EFHC1: variants seen among roughly 807,000 people sequenced by gnomAD.
EFHC1 encodes EF-hand domain-containing protein 1.
In EFHC1, 53 loss-of-function variants were observed where a neutral mutation model predicts 69.9. The ratio of observed to expected loss-of-function variants is 0.76; its 90% CI spans 0.61 to 0.95. The LOEUF is 0.95. Ranked by LOEUF, EFHC1 falls within the 40% of genes least tolerant of loss-of-function variation. The pLI is 0.00. For synonymous variants in EFHC1, 256 were observed against 278.4 expected, an observed-to-expected ratio of 0.92 and a Z score of 0.80; for missense variants, 739 against 798.7, an observed-to-expected ratio of 0.93 and a Z score of 0.90.
intron 3 of EFHC1, among the ~76,000 whole-genome samples, chr6:52,449,171 C>T (rs899891852): frequency 6.6e-5 from 10 of 152,040 alleles, no homozygotes; most frequent in Non-Finnish European, 1.2e-4. Context: ...ATCATGAGGT[C>T]GGGAGATCGA....
chr6:52,469,782 T>G (rs1765394920), intron 7 of EFHC1, among the ~76,000 whole-genome samples: 1 of 152,256 alleles, frequency 6.6e-6, no homozygotes, highest in Admixed American at 6.5e-5. Context: ...TTGCTTAATA[T>G]TCAAACCATG....
rs1430759392 is a variant in EFHC1 at position 52,490,077 on chromosome 6, C to G, written c.1641-63C>G. The G allele has an allele frequency of 3.4e-6, 5 of 1,481,112 alleles. No homozygotes were observed. The African/African-American group carries it at 7.0e-5, about 21-fold the overall frequency. 91.7% of individuals were successfully genotyped at this position (1,481,112 alleles called of 1,614,324 possible). A position where few individuals can be genotyped will look rare whatever the true frequency, so the allele number is the denominator to read the frequency against. On this transcript the variant is annotated intron_variant, in intron 9 of 10. Coordinates refer to ENST00000371068, the MANE Select transcript of EFHC1 (RefSeq NM_018100.4). ...GATTTCATCAAGTAAGAACTTTGGT[C>G]ACCGAGATGAGACTGATCAAGAATA...
rs749785271 is a variant in EFHC1 at position 52,492,450 on chromosome 6, G to A, written c.*109G>A. 1 of 1,182,324 alleles carries A rather than the reference G, an allele frequency of 8.5e-7. No homozygotes were observed. The highest frequency in any genetic ancestry group is 1.3e-5 in the South Asian group (1 of 78,338). The allele number at this position is 1,182,324 out of a possible 1,614,324, so 73.2% of individuals were successfully genotyped here. On this transcript the variant is annotated 3_prime_UTR_variant, in exon 11 of 11. Coordinates refer to ENST00000371068, the MANE Select transcript of EFHC1 (RefSeq NM_018100.4). Reference sequence around the variant, plus strand: ...ACAGGGTTCCTGAAGTTTTATTTCTGTTTTGGTTCTTCTTTCACTCCTACT... The same window carrying A: ...ACAGGGTTCCTGAAGTTTTATTTCTATTTTGGTTCTTCTTTCACTCCTACT...
chr6:52,450,684 A>G (rs570083952), intron 3 of EFHC1, among the ~76,000 whole-genome samples: 1 of 151,956 alleles, frequency 6.6e-6, no homozygotes, highest in African/African-American at 2.4e-5. Context: ...CTTTATTTTG[A>G]ACCTTTGGGT....
rs1381438361 is a variant in EFHC1, at chr6:52,453,452, C to T, written c.723+615C>T. 6 of 1,287,056 alleles carry T rather than the reference C, an allele frequency of 4.7e-6. No homozygotes were observed. In the South Asian group the frequency reaches 7.4e-5, roughly 16 times the overall value. The allele number at this position is 1,287,056 out of a possible 1,614,324, so 79.7% of individuals were successfully genotyped here. ...AGAAAGAAAAGGAAGAGATCACCCT[C>T]AGTGCTTCTTTGCTGCTCCTTTTCT... On this transcript the variant is annotated intron_variant, in intron 4 of 10. Coordinates refer to ENST00000371068, the MANE Select transcript of EFHC1 (RefSeq NM_018100.4).
At chr6:52,455,761 A>T (rs1194572588) in intron 5 of EFHC1, among the ~76,000 whole-genome samples, 1 of 152,224 alleles carries the variant, frequency 6.6e-6, no homozygotes, top group Non-Finnish European at 1.5e-5. Flanking sequence ...GTCTGTACAT[A>T]TTGCTTCACT....
rs1160893348 is a variant in EFHC1, at chr6:52,454,074, A to C, written c.724-21A>C. ...TCCCTACTTTTAGGATTCTTGAGTC[A>C]CTACTTTGGATTCTTCAAAGGTCCT... On this transcript the variant is annotated intron_variant, in intron 4 of 10. Transcript: ENST00000371068. 4.3e-6 allele frequency: 7 copies of C among 1,612,292 alleles called. No individual in the cohort carries two copies. The African/African-American group carries it at 9.3e-5, about 22-fold the overall frequency.
At chr6:52,491,354 T>TA (rs1055390169) in intron 10 of EFHC1, among the ~76,000 whole-genome samples, 4 of 152,158 alleles carry the variant, frequency 2.6e-5, no homozygotes, top group African/African-American at 4.8e-5. Context: ...GCACATCTTA[T>TA]AAAAATAACC....
intron 2 of EFHC1, among the ~76,000 whole-genome samples, chr6:52,433,492 A>G (rs1764460389): frequency 6.6e-6 from 1 of 152,146 alleles, no homozygotes; most frequent in African/African-American, 2.4e-5. Flanking sequence ...CCAGGCTGGT[A>G]CTGGGGGTTG....
intron 5 of EFHC1, among the ~76,000 whole-genome samples, chr6:52,455,331 A>G (rs957398412): frequency 6.6e-6 from 1 of 151,802 alleles, no homozygotes; most frequent in Admixed American, 6.6e-5. Context: ...TCTTTTTACT[A>G]TATTTTTTGG....
Position 52,495,283 on chromosome 6 carries a change from C to G in EFHC1, c.*2942C>G. On this transcript the variant is annotated 3_prime_UTR_variant, in exon 11 of 11. Coordinates refer to ENST00000371068, the MANE Select transcript of EFHC1 (RefSeq NM_018100.4). Reference sequence around the variant, plus strand: ...CCCAAATCTTATGCTCTCCAAACTCCAGGGGACAGACACATGTCAAACCCT... The same window carrying G: ...CCCAAATCTTATGCTCTCCAAACTCGAGGGGACAGACACATGTCAAACCCT... The G allele has an allele frequency of 2.2e-6, 1 of 454,088 alleles. No homozygotes were observed. Among genetic ancestry groups the G allele is most frequent in the Non-Finnish European group, 4.4e-6 (1 of 226,778 alleles). The allele number at this position is 454,088 out of a possible 1,614,324, so 28.1% of individuals were successfully genotyped here.
Position 52,495,257 on chromosome 6 carries a change from C to T in EFHC1, c.*2916C>T, listed in dbSNP as rs1050501353. The T allele has an allele frequency of 6.6e-6, 3 of 453,948 alleles. No individual in the cohort carries two copies. Among genetic ancestry groups the T allele is most frequent in the Non-Finnish European group, 1.3e-5 (3 of 226,790 alleles). The allele number at this position is 453,948 out of a possible 1,614,324, so 28.1% of individuals were successfully genotyped here. A position where few individuals can be genotyped will look rare whatever the true frequency, so the allele number is the denominator to read the frequency against. ...GACTGTTTCAGGGGAGAACCAGGTA[C>T]CCCAAATCTTATGCTCTCCAAACTC... On this transcript the variant is annotated 3_prime_UTR_variant, in exon 11 of 11. Coordinates refer to ENST00000371068, the MANE Select transcript of EFHC1 (RefSeq NM_018100.4).
intron 7 of EFHC1, among the ~76,000 whole-genome samples, chr6:52,477,546 C>T (rs1339399522): frequency 6.6e-6 from 1 of 152,090 alleles, no homozygotes; most frequent in Non-Finnish European, 1.5e-5. Context: ...GGCTAATATC[C>T]AGCATCTACA....
chr6:52,464,930 C>T lies in EFHC1; in HGVS notation c.952C>T (p.Gln318Ter). 6.2e-7 allele frequency: 1 copy of T among 1,614,032 alleles called. No homozygotes were observed. Among genetic ancestry groups the T allele is most frequent in the Non-Finnish European group, 8.5e-7 (1 of 1,179,996 alleles). ...FPQCVLEISD[Q>*]EVLEWYTAKD... ...TCAGTGTGTGCTAGAAATCTCTGAC[C>T]AAGAAGTGTTGGAATGGTATACTGC... The change falls in exon 6 of 11, where the codon CAA (glutamine) becomes TAA (stop). Residue 318 changes from glutamine (Q) to a stop codon, truncating the protein, a stop_gained. Coordinates refer to ENST00000371068, the MANE Select transcript of EFHC1 (RefSeq NM_018100.4). LOFTEE classifies it high-confidence loss of function.
At chr6:52,420,604 C>A (rs984352070) in intron 1 of EFHC1, 131 bp downstream of exon 1, 1 of 1,130,350 alleles carries the variant, frequency 8.8e-7, no homozygotes, top group South Asian at 1.3e-5. Flanking sequence ...CTGTCCTGAC[C>A]CTGTTCTTTA....
chr6:52,438,570 T>A lies in EFHC1; in HGVS notation c.552T>A (p.Val184=). 1 of 1,614,020 alleles carries A rather than the reference T, an allele frequency of 6.2e-7. No individual in the cohort carries two copies. The highest frequency in any genetic ancestry group is 2.2e-5 in the East Asian group (1 of 44,882). The change falls in exon 3 of 11, where the codon GTT becomes GTA. Residue 184 remains valine (V), a synonymous_variant. Coordinates refer to ENST00000371068, the MANE Select transcript of EFHC1 (RefSeq NM_018100.4). ...TTTATGGCAAAACTTTCCGCGTTGT[T>A]GACTGTGACCAATTCACACAGGTAT... is the stretch of plus-strand genomic sequence containing the variant. ...ITIYGKTFRV[V]DCDQFTQVFL...
intron 2 of EFHC1, 123 bp downstream of exon 2, chr6:52,424,290 C>T (rs1764257950): frequency 1.1e-6 from 1 of 920,032 alleles, no homozygotes; most frequent in Non-Finnish European, 1.7e-6. Context: ...TGTTCAGATG[C>T]CTTAACCCTT....
At chr6:52,476,956 T>C (rs1765556957) in intron 7 of EFHC1, among the ~76,000 whole-genome samples, 1 of 152,218 alleles carries the variant, frequency 6.6e-6, no homozygotes, top group Non-Finnish European at 1.5e-5. Flanking sequence ...ATATAGGATG[T>C]TAACATTAGG....
At chr6:52,442,565 G>A (rs1276881583) in intron 3 of EFHC1, among the ~76,000 whole-genome samples, 2 of 151,858 alleles carry the variant, frequency 1.3e-5, no homozygotes, top group African/African-American at 2.4e-5. Context: ...CTGTCCTTGC[G>A]ATAGTTTGCT....
Sources: gnomAD v4.1 joint callset for allele counts (sites outside exome capture counted in the v4.1 genomes callset) on GRCh38, gnomAD v4.1.1 for gene constraint, MANE v1.5 for transcripts, NCBI Gene and HGNC (gene_info 2026-07-23, HGNC 2026-07-21) for gene names.